HTR3C: variants seen among roughly 807,000 people sequenced by gnomAD.
The protein encoded by HTR3C is 5-hydroxytryptamine receptor 3C.
Under a neutral mutation model 40.5 loss-of-function variants are expected in HTR3C, and 32 were observed. The observed-to-expected ratio is 0.79, with a 90% CI of 0.60 to 1.06. The LOEUF is 1.06. Among genes scored for constraint, HTR3C ranks in the 50% least tolerant of loss-of-function variants. HTR3C has a pLI of 0.00. For missense variants in HTR3C, 523 were observed against 556.8 expected, an observed-to-expected ratio of 0.94 and a Z score of 0.61; for synonymous variants, 209 against 217.1, an observed-to-expected ratio of 0.96 and a Z score of 0.33.
intron 3 of HTR3C, among the ~76,000 whole-genome samples, chr3:184,055,710 A>G (rs1470921672): frequency 1.1e-5 from 1 of 90,602 alleles, no homozygotes; most frequent in Non-Finnish European, 2.2e-5. Flanking sequence ...ACGAAACTCC[A>G]TCACACACAC....
Position 184,057,055 on chromosome 3 carries a change from C to T in HTR3C, c.559+11C>T. ...CTTTCCTCTACACAGGTAAGTGTGA[C>T]ACATTTTGGTAGCTGTTTAAGATTC... is the stretch of plus-strand genomic sequence containing the variant. On this transcript the variant is annotated intron_variant, in intron 5 of 8. Coordinates refer to ENST00000318351, the MANE Select transcript of HTR3C (RefSeq NM_130770.3). The T allele has an allele frequency of 1.3e-6, 2 of 1,579,052 alleles. No individual in the cohort carries two copies. Among genetic ancestry groups the T allele is most frequent in the Non-Finnish European group, 1.7e-6 (2 of 1,159,850 alleles).
At chr3:184,055,884 CAAAAAAAAAAAAAAA>C (rs71185686) in intron 3 of HTR3C, among the ~76,000 whole-genome samples, 2 of 30,704 alleles carry the variant, frequency 6.5e-5, no homozygotes, top group Non-Finnish European at 1.1e-4. Context: ...AATAGCAACT[CAAAAAAAAAAAAAAA>C]AAAAAAAAAA....
chr3:184,057,461 G>A lies in HTR3C; in HGVS notation c.559+417G>A, dbSNP rs371764514. Among the ~76,000 whole-genome samples the A allele has an allele frequency of 3.2e-4, 48 of 152,166 alleles. 1 individual carries two copies. The highest frequency in any genetic ancestry group is 1.1e-3 in the African/African-American group (47 of 41,534). On this transcript the variant is annotated intron_variant, in intron 5 of 8. Coordinates refer to ENST00000318351, the MANE Select transcript of HTR3C (RefSeq NM_130770.3). ...TTTTAAAACAAAAAACAGGCAGGGC[G>A]CAGTGGCTCACGCCTGTAATCCCAG...
In HTR3C at chr3:184,059,532, G is replaced by A. The variant is rs1310876597; in HGVS notation, c.817G>A (p.Ala273Thr). 5 of 1,614,162 alleles carry A rather than the reference G, an allele frequency of 3.1e-6. No homozygotes were observed. In the South Asian group the frequency reaches 5.5e-5, roughly 18 times the overall value. ...AIDALSFYLP[A>T]ESENRAPFKI... ...TGATGCCCTCAGCTTCTACCTGCCAGCAGAGAGCGAGAATCGTGCCCCATT... is the reference window on the plus strand; with the variant it reads ...TGATGCCCTCAGCTTCTACCTGCCAACAGAGAGCGAGAATCGTGCCCCATT... Residue 273 changes from alanine to threonine, a missense_variant, in exon 7 of 9, where the codon GCA (alanine) becomes ACA (threonine). Ala to Thr is a moderately conservative substitution (Grantham distance 58). Coordinates refer to ENST00000318351, the MANE Select transcript of HTR3C (RefSeq NM_130770.3).
At chr3:184,056,842 A>AGGGT in intron 4 of HTR3C, 33 bp from the exon 5 acceptor site, 1 of 1,556,806 alleles carries the variant, frequency 6.4e-7, no homozygotes, top group Non-Finnish European at 8.7e-7. Context: ...GAGCTGATTA[A>AGGGT]GCCTCCATCT....
chr3:184,058,547 T>A lies in HTR3C; in HGVS notation c.680T>A (p.Met227Lys), dbSNP rs775520051. 7 of 1,613,248 alleles carry A rather than the reference T, an allele frequency of 4.3e-6. No homozygotes were observed. In the South Asian group the frequency reaches 6.6e-5, roughly 15 times the overall value. ...LLGINKATPKMSMGNNLYDQI... is the reference protein window; with the variant it reads ...LLGINKATPKKSMGNNLYDQI... ...GGCATCAACAAGGCCACCCCAAAGATGTCCATGGGCAACAACCTATATGAC... is the reference window on the plus strand; with the variant it reads ...GGCATCAACAAGGCCACCCCAAAGAAGTCCATGGGCAACAACCTATATGAC... The change falls in exon 6 of 9, where the codon ATG becomes AAG. Residue 227 changes from methionine (M) to lysine (K), a missense_variant. Met to Lys is a moderately conservative substitution (Grantham distance 95). Transcript: ENST00000318351.
Position 184,058,597 on chromosome 3 carries a change from G to C in HTR3C, c.720+10G>C, listed in dbSNP as rs759848506. The C allele has an allele frequency of 6.2e-7, 1 of 1,604,728 alleles. No individual in the cohort carries two copies. Among genetic ancestry groups the C allele is most frequent in the Admixed American group, 1.7e-5 (1 of 58,132 alleles). On this transcript the variant is annotated intron_variant, in intron 6 of 8. Coordinates refer to ENST00000318351, the MANE Select transcript of HTR3C (RefSeq NM_130770.3). ...CCAGATCATGTTTTATGTGAGTCCA[G>C]GGGCCCCTGTTTGACTTCTGATCCC...
chr3:184,058,738 G>T (rs1723382666), intron 6 of HTR3C, 151 bp downstream of exon 6: 2 of 803,116 alleles, frequency 2.5e-6, no homozygotes, highest in Non-Finnish European at 3.8e-6. Context: ...GCCGAGGGAG[G>T]CGGATCATGA....
chr3:184,054,933 C>T (rs370763918), intron 2 of HTR3C, 46 bp downstream of exon 2: 284 of 1,549,206 alleles, frequency 1.8e-4, no homozygotes, highest in Middle Eastern at 1.4e-3. Flanking sequence ...TAATAAGGAA[C>T]GAGGACCCTC....
chr3:184,059,223 C>T (rs1455987249), intron 6 of HTR3C, among the ~76,000 whole-genome samples: 1 of 152,176 alleles, frequency 6.6e-6, no homozygotes, highest in African/African-American at 2.4e-5. Context: ...TAAAATTCTA[C>T]AGTCATTGTG....
At position 184,059,870 on chromosome 3, in the gene HTR3C, T is replaced by A. The variant is rs374139861; in HGVS notation, c.968T>A (p.Leu323Gln). The A allele has an allele frequency of 8.3e-5, 134 of 1,613,950 alleles. No homozygotes were observed. Among genetic ancestry groups the A allele is most frequent in the Non-Finnish European group, 1.1e-4 (124 of 1,180,030 alleles). ...ALCLSLMVVS[L>Q]LETVFITYLL... ...TGCCTGTCCCTGATGGTGGTCAGCC[T>A]GCTGGAGACCGTCTTCATTACCTAC... Residue 323 changes from leucine to glutamine, a missense_variant, in exon 8 of 9, where the codon CTG (leucine) becomes CAG (glutamine). By Grantham distance (113) the Leu-to-Gln change is moderately radical. Transcript: ENST00000318351.
chr3:184,058,711 T>G, intron 6 of HTR3C, 124 bp downstream of exon 6: 1 of 1,064,492 alleles, frequency 9.4e-7, no homozygotes, highest in Non-Finnish European at 1.3e-6. Flanking sequence ...ACACCTGTAA[T>G]CCCAGTACTT....
At chr3:184,053,560 G>A (rs779800028) in intron 1 of HTR3C, among the ~76,000 whole-genome samples, 1 of 152,164 alleles carries the variant, frequency 6.6e-6, no homozygotes, top group Non-Finnish European at 1.5e-5. Context: ...CTTCCATGAG[G>A]TAATATTTGT....
Position 184,054,713 on chromosome 3 carries a change from C to G in HTR3C, c.68-8C>G, listed in dbSNP as rs369506821. 70 of 1,570,090 alleles carry G rather than the reference C, an allele frequency of 4.5e-5. No homozygotes were observed. In the Middle Eastern group the frequency reaches 1.9e-3, roughly 42 times the overall value. On this transcript the variant is annotated splice_region_variant and splice_polypyrimidine_tract_variant and intron_variant, in intron 1 of 8. Coordinates refer to ENST00000318351, the MANE Select transcript of HTR3C (RefSeq NM_130770.3). ...GTCCCTCTCTCACGGAGTCTCTGCT[C>G]TCTATAGGAAGAGGCGACGCTTTTA...
chr3:184,053,165 C>T lies in HTR3C; in HGVS notation c.67+18C>T. On this transcript the variant is annotated intron_variant, in intron 1 of 8. Transcript: ENST00000318351. ...GCTTCAAGGTAAGATGGGACGAGAACAGGGAAGACCAGAGTGTGGTTCCGA... is the reference window on the plus strand; with the variant it reads ...GCTTCAAGGTAAGATGGGACGAGAATAGGGAAGACCAGAGTGTGGTTCCGA... 6.2e-7 allele frequency: 1 copy of T among 1,603,054 alleles called. No homozygotes were observed. The highest frequency in any genetic ancestry group is 8.5e-7 in the Non-Finnish European group (1 of 1,170,138).
At position 184,060,333 on chromosome 3, in the gene HTR3C, T is replaced by A. The variant is rs753170211; in HGVS notation, c.1325T>A (p.Ile442Asn). 3.1e-6 allele frequency: 5 copies of A among 1,614,162 alleles called. No individual in the cohort carries two copies. The South Asian group carries it at 5.5e-5, about 18-fold the overall frequency. Residue 442 changes from isoleucine to asparagine, a missense_variant, in exon 9 of 9, where the codon ATT becomes AAT. Physicochemically the swap from Ile to Asn is moderately radical, Grantham distance 149. Coordinates refer to ENST00000318351, the MANE Select transcript of HTR3C (RefSeq NM_130770.3). The part of the protein sequence containing the change: ...LFMASSILTV[I>N]VLWNT ...ATGGCCTCCTCCATCCTTACTGTCATTGTCCTCTGGAACACCTAGGCAGAC... is the reference window on the plus strand; with the variant it reads ...ATGGCCTCCTCCATCCTTACTGTCAATGTCCTCTGGAACACCTAGGCAGAC...
Position 184,054,867 on chromosome 3 carries a change from C to A in HTR3C, c.214C>A (p.Leu72Met), listed in dbSNP as rs761003444. ...IPTRVNISFTLSAILGVDAQL... is the reference protein window; with the variant it reads ...IPTRVNISFTMSAILGVDAQL... ...TACCCGTGTCAACATCTCCTTCACCCTGTCTGCCATCCTGGGAGTGGTGAG... is the reference window on the plus strand; with the variant it reads ...TACCCGTGTCAACATCTCCTTCACCATGTCTGCCATCCTGGGAGTGGTGAG... Residue 72 changes from leucine to methionine, a missense_variant, in exon 2 of 9, where the codon CTG becomes ATG. Leu to Met is a conservative substitution (Grantham distance 15). Coordinates refer to ENST00000318351, the MANE Select transcript of HTR3C (RefSeq NM_130770.3). The A allele has an allele frequency of 6.2e-7, 1 of 1,607,872 alleles. No individual in the cohort carries two copies. Among genetic ancestry groups the A allele is most frequent in the African/African-American group, 1.3e-5 (1 of 74,658 alleles).
At chr3:184,054,945 G>T (rs1576987136) in intron 2 of HTR3C, 58 bp downstream of exon 2, 4 of 1,523,236 alleles carry the variant, frequency 2.6e-6, no homozygotes, top group Non-Finnish European at 3.5e-6. Flanking sequence ...AGGACCCTCT[G>T]CCCTGTCAAC....
At chr3:184,057,096 G>A (rs1233209082) in intron 5 of HTR3C, 52 bp downstream of exon 5, 6 of 1,389,880 alleles carry the variant, frequency 4.3e-6, no homozygotes, top group Middle Eastern at 1.8e-4. Flanking sequence ...AGACATTTGA[G>A]TGGTGTAGGT....
Sources: allele counts gnomAD v4.1 joint callset (sites outside exome capture counted in the v4.1 genomes callset), GRCh38; gene constraint gnomAD v4.1.1; transcripts MANE v1.5; gene names NCBI Gene and HGNC (gene_info 2026-07-23, HGNC 2026-07-21).